The following MBOAT4 variants were observed in gnomAD, a reference collection of about 807,000 sequenced individuals.
The protein encoded by MBOAT4 is membrane bound ghrelin O-acyltransferase MBOAT4, also known as membrane-bound ghrelin O-acyltransferase MBOAT4.
Under a neutral mutation model 13.2 loss-of-function variants are expected in MBOAT4, and 11 were observed. The observed-to-expected ratio is 0.84, with a 90% CI of 0.53 to 1.38. The LOEUF (loss-of-function observed/expected upper bound fraction) is 1.38. Ranked by LOEUF, MBOAT4 falls within the 40% of genes most tolerant of loss-of-function variation. The pLI, the probability that MBOAT4 is intolerant of heterozygous loss-of-function variation, is 0.00. For synonymous variants in MBOAT4, 202 were observed against 210.3 expected, an observed-to-expected ratio of 0.96 and a Z score of 0.34; for missense variants, 481 against 527.2, an observed-to-expected ratio of 0.91 and a Z score of 0.86.
At position 30,132,547 on chromosome 8, in the gene MBOAT4, C is replaced by A; in HGVS notation, c.704G>T (p.Cys235Phe). Residue 235 changes from cysteine (C) to phenylalanine (F), a missense_variant, in exon 3 of 3, where the codon TGC becomes TTC. By Grantham distance (205) the Cys-to-Phe change is radical (BLOSUM62 -2). Transcript: ENST00000320542. ...VVDAGAGLTDCQQFECIYVVW... is the reference protein window; with the variant it reads ...VVDAGAGLTDFQQFECIYVVW... ...GACATAGATGCACTCGAATTGCTGGCAATCAGTCAGTCCCGCTCCTGCATC... is the reference window on the plus strand; with the variant it reads ...GACATAGATGCACTCGAATTGCTGGAAATCAGTCAGTCCCGCTCCTGCATC... 1 of 1,551,740 alleles carries A rather than the reference C, an allele frequency of 6.4e-7. No individual in the cohort carries two copies. The highest frequency in any genetic ancestry group is 8.7e-7 in the Non-Finnish European group (1 of 1,147,000).
rs771371623 is a variant in MBOAT4, at chr8:30,132,179, C to T, written c.1072G>A (p.Asp358Asn). Residue 358 changes from aspartate to asparagine, a missense_variant, in exon 3 of 3, where the codon GAC becomes AAC. Transcript: ENST00000320542. ...TTGGCAAAGGAGTGAATCAGGTAGTCAGCTTCCACCATCACGGCCCAGCAA... is the reference window on the plus strand; with the variant it reads ...TTGGCAAAGGAGTGAATCAGGTAGTTAGCTTCCACCATCACGGCCCAGCAA... ...FVCWAVMVEADYLIHSFANEF... is the reference protein window; with the variant it reads ...FVCWAVMVEANYLIHSFANEF... 1.3e-6 allele frequency: 2 copies of T among 1,551,836 alleles called. No individual in the cohort carries two copies. Among genetic ancestry groups the T allele is most frequent in the South Asian group, 1.2e-5 (1 of 84,046 alleles).
Position 30,132,237 on chromosome 8 carries a change from A to G in MBOAT4, c.1014T>C (p.His338=). The G allele has an allele frequency of 1.3e-6, 2 of 1,551,840 alleles. No homozygotes were observed. The highest frequency in any genetic ancestry group is 4.9e-5 in the East Asian group (2 of 40,926). Residue 338 remains histidine (H), a synonymous_variant, in exon 3 of 3, where the codon CAT becomes CAC. Transcript: ENST00000320542. ...LQTFAFSAWW[H]GLHPGQVFGF... is the part of the protein sequence containing the mutation. ...CAAACACCTGTCCTGGATGGAGTCC[A>G]TGCCACCAGGCAGAGAAGGCAAATG... is the stretch of plus-strand genomic sequence containing the variant.
At chr8:30,134,701 C>A (rs968690763) in intron 2 of MBOAT4, among the ~76,000 whole-genome samples, 8 of 151,984 alleles carry the variant, frequency 5.3e-5, no homozygotes, top group South Asian at 2.1e-4. Context: ...GTGCACGCCA[C>A]CACGCCCAGC....
At chr8:30,143,865 G>GTATC (rs1365106645) in intron 1 of MBOAT4, among the ~76,000 whole-genome samples, 1 of 152,180 alleles carries the variant, frequency 6.6e-6, no homozygotes, top group African/African-American at 2.4e-5. Context: ...TGACAGAGAT[G>GTATC]TATCCATTTG....
intron 2 of MBOAT4, chr8:30,137,391 A>C: frequency 1.3e-6 from 2 of 1,551,666 alleles, no homozygotes; most frequent in South Asian, 1.2e-5. Context: ...CTGCAAGCAG[A>C]GTGTCCACTC....
chr8:30,133,562 G>A (rs893883541), intron 2 of MBOAT4, among the ~76,000 whole-genome samples: 2 of 152,092 alleles, frequency 1.3e-5, no homozygotes, highest in African/African-American at 2.4e-5. Context: ...ATTTGCCTGG[G>A]AAATTTTACT....
At chr8:30,137,228 A>G in intron 2 of MBOAT4, 3 of 1,430,610 alleles carry the variant, frequency 2.1e-6, no homozygotes, top group Non-Finnish European at 2.9e-6. Context: ...ATTCATGACA[A>G]CACTTCTCTA....
At position 30,131,813 on chromosome 8, in the gene MBOAT4, G is replaced by C. The variant is rs1167593173; in HGVS notation, c.*130C>G. On this transcript the variant is annotated 3_prime_UTR_variant, in exon 3 of 3. Coordinates refer to ENST00000320542, the MANE Select transcript of MBOAT4 (RefSeq NM_001100916.2). ...ACACAAATTCCTACTGCAAGTCACTGGGTATATCCATCCAAAACTTTAGAA... is the reference window on the plus strand; with the variant it reads ...ACACAAATTCCTACTGCAAGTCACTCGGTATATCCATCCAAAACTTTAGAA... The C allele has an allele frequency of 9.4e-7, 1 of 1,065,162 alleles. No homozygotes were observed. The highest frequency in any genetic ancestry group is 2.4e-4 in the Middle Eastern group (1 of 4,244). The allele number at this position is 1,065,162 out of a possible 1,614,324, so 66.0% of individuals were successfully genotyped here.
At chr8:30,137,272 A>T (rs1329361834) in intron 2 of MBOAT4, 1 of 1,551,138 alleles carries the variant, frequency 6.4e-7, no homozygotes, top group South Asian at 1.2e-5. Context: ...TGTTTTCTAG[A>T]TGGGGCGCCT....
chr8:30,138,624 C>T lies in MBOAT4; in HGVS notation c.252G>A (p.Arg84=), dbSNP rs143382344. The T allele has an allele frequency of 1.0e-5, 16 of 1,551,536 alleles. No homozygotes were observed. The African/African-American group carries it at 1.9e-4, about 19-fold the overall frequency. ...AGCTCATCTGAAAGCAGAAGGTCCA[C>T]CTGTGGACTTGCTGAGGAGCCAGGG... ...LCSLAPQQVH[R]WTFCFQMSWQ... Residue 84 remains arginine, a synonymous_variant, in exon 2 of 3, where the codon AGG becomes AGA. Transcript: ENST00000320542.
rs1803047344 is a variant in MBOAT4 at position 30,132,570 on chromosome 8, A to G, written c.681T>C (p.Asp227=). The change falls in exon 3 of 3, where the codon GAT becomes GAC. Residue 227 remains aspartate, a synonymous_variant. Transcript: ENST00000320542. Reference sequence around the variant, plus strand: ...GGCAATCAGTCAGTCCCGCTCCTGCATCCACCACCCTGCTCACTGCCACGT... The same window carrying G: ...GGCAATCAGTCAGTCCCGCTCCTGCGTCCACCACCCTGCTCACTGCCACGT... ...CLNVAVSRVV[D]AGAGLTDCQQ... is the part of the protein sequence containing the mutation. The G allele has an allele frequency of 1.3e-6, 2 of 1,551,742 alleles. No homozygotes were observed. Among genetic ancestry groups the G allele is most frequent in the African/African-American group, 2.7e-5 (2 of 73,176 alleles).
At chr8:30,140,622 C>T (rs575349988) in intron 1 of MBOAT4, among the ~76,000 whole-genome samples, 12 of 152,272 alleles carry the variant, frequency 7.9e-5, no homozygotes, top group South Asian at 2.1e-4. Context: ...TAAACAAAGA[C>T]GATCTCCATC....
intron 1 of MBOAT4, among the ~76,000 whole-genome samples, 172 bp from the exon 2 acceptor site, chr8:30,138,928 G>A (rs912024775): frequency 5.3e-5 from 8 of 152,012 alleles, no homozygotes; most frequent in South Asian, 2.1e-4. Context: ...AAAGAATCAC[G>A]GGAGAAGGAG....
chr8:30,140,940 A>G (rs1803250727), intron 1 of MBOAT4, among the ~76,000 whole-genome samples: 1 of 151,590 alleles, frequency 6.6e-6, no homozygotes, highest in African/African-American at 2.4e-5. Flanking sequence ...CCGGCTCAAG[A>G]AATCCTCCCA....
chr8:30,132,405 C>T lies in MBOAT4; in HGVS notation c.846G>A (p.Glu282=), dbSNP rs1803041698. ...GPELGQSPGE[E]GYVPDADIWT... is the part of the protein sequence containing the mutation. ...AGATGTCTGCATCGGGGACATATCC[C>T]TCCTCTCCAGGGCTCTGACCAAGCT... is the stretch of plus-strand genomic sequence containing the variant. Residue 282 remains glutamate (E), a synonymous_variant, in exon 3 of 3, where the codon GAG becomes GAA. Coordinates refer to ENST00000320542, the MANE Select transcript of MBOAT4 (RefSeq NM_001100916.2). 1.3e-6 allele frequency: 2 copies of T among 1,551,656 alleles called. No homozygotes were observed. The highest frequency in any genetic ancestry group is 2.7e-5 in the African/African-American group (2 of 73,056).
In MBOAT4 at chr8:30,144,411, C is replaced by T. The variant is rs142175188; in HGVS notation, c.119+72G>A. ...TCAGCCTCCCAAATTGCAGGGATTACGGGCGTGAGCCACCGCACCCAGTCA... is the reference window on the plus strand; with the variant it reads ...TCAGCCTCCCAAATTGCAGGGATTATGGGCGTGAGCCACCGCACCCAGTCA... On this transcript the variant is annotated intron_variant, in intron 1 of 2. Coordinates refer to ENST00000320542, the MANE Select transcript of MBOAT4 (RefSeq NM_001100916.2). 2.7e-4 allele frequency: 310 copies of T among 1,144,462 alleles called. 3 individuals carry two copies. Among genetic ancestry groups the T allele is most frequent in the South Asian group, 6.5e-4 (45 of 69,620 alleles). 70.9% of individuals were successfully genotyped at this position (1,144,462 alleles called of 1,614,324 possible).
chr8:30,144,564 G>T lies in MBOAT4; in HGVS notation c.38C>A (p.Ser13Ter). The T allele has an allele frequency of 2.6e-6, 4 of 1,551,410 alleles. No homozygotes were observed. The highest frequency in any genetic ancestry group is 3.5e-6 in the Non-Finnish European group (4 of 1,146,846). ...GGGAAATGCAGCCCCCTGGTAAAACGATATAGGATGGAGAAAGAACAGCCA... is the reference window on the plus strand; with the variant it reads ...GGGAAATGCAGCCCCCTGGTAAAACTATATAGGATGGAGAAAGAACAGCCA... ...WLWLFFLHPI[S>*]FYQGAAFPFA... The change falls in exon 1 of 3, where the codon TCG becomes TAG. Residue 13 changes from serine (S) to a stop codon, truncating the protein, a stop_gained. Transcript: ENST00000320542. LOFTEE classifies it high-confidence loss of function.
At chr8:30,133,043 C>T in intron 2 of MBOAT4, 137 bp from the exon 3 acceptor site, 1 of 652,918 alleles carries the variant, frequency 1.5e-6, no homozygotes, top group Non-Finnish European at 2.4e-6. Context: ...CTGCAGGACC[C>T]CACACAAAAT....
chr8:30,140,931 C>CG (rs1803250683), intron 1 of MBOAT4, among the ~76,000 whole-genome samples: 1 of 151,914 alleles, frequency 6.6e-6, no homozygotes, highest in African/African-American at 2.4e-5. Context: ...TTGACCCCCC[C>CG]GGCTCAAGAA....
Sources: allele counts gnomAD v4.1 joint callset (sites outside exome capture counted in the v4.1 genomes callset), GRCh38; gene constraint gnomAD v4.1.1; transcripts MANE v1.5; gene names NCBI Gene and HGNC (gene_info 2026-07-23, HGNC 2026-07-21).